Variants in SHFL observed in about 807,000 individuals in gnomAD.
The protein encoded by SHFL is shiftless antiviral inhibitor of ribosomal frameshifting, also known as shiftless antiviral inhibitor of ribosomal frameshifting protein.
A neutral mutation model predicts 34.7 loss-of-function variants in SHFL; 12 were observed. The observed-to-expected ratio is 0.35, with a 90% CI of 0.22 to 0.56. The LOEUF is 0.56. SHFL is among the 20% of genes least tolerant of loss of function. SHFL has a pLI of 0.88. For synonymous variants in SHFL, 148 were observed against 156.0 expected, an observed-to-expected ratio of 0.95 and a Z score of 0.38; for missense variants, 278 against 411.1, an observed-to-expected ratio of 0.68 and a Z score of 2.80.
chr19:10,092,062 C>G lies in SHFL; in HGVS notation c.644-8C>G. On this transcript the variant is annotated splice_region_variant and splice_polypyrimidine_tract_variant and intron_variant, in intron 7 of 7. Transcript: ENST00000253110. ...AGCCCCATGTCTGCAGCACCTCTCC[C>G]TCCCTAGAGCCCCACGTGCCTGGGA... 1 of 1,613,882 alleles carries G rather than the reference C, an allele frequency of 6.2e-7. No individual in the cohort carries two copies. The highest frequency in any genetic ancestry group is 8.5e-7 in the Non-Finnish European group (1 of 1,179,832).
At chr19:10,087,500 A>G (rs2088307489) in intron 3 of SHFL, 200 bp downstream of exon 3, 2 of 613,852 alleles carry the variant, frequency 3.3e-6, no homozygotes, top group African/African-American at 1.8e-5. Flanking sequence ...GTAGGCGCTC[A>G]TTATGTGCTG....
chr19:10,086,666 T>G lies in SHFL; in HGVS notation c.21+218T>G. On this transcript the variant is annotated intron_variant, in intron 1 of 7. Coordinates refer to ENST00000253110, the MANE Select transcript of SHFL (RefSeq NM_018381.4). This position sits in a 1 kb window ranked among gnomAD's most constrained non-coding sequence, Gnocchi z 5.2. Reference sequence around the variant, plus strand: ...CCGAGGAAAAGCGGGGGCTGCAGGGTCAAAGGTCAGAGGCCAGAGATAACC... The same window carrying G: ...CCGAGGAAAAGCGGGGGCTGCAGGGGCAAAGGTCAGAGGCCAGAGATAACC... The G allele has an allele frequency of 7.0e-6, 4 of 568,118 alleles. No homozygotes were observed. The highest frequency in any genetic ancestry group is 8.9e-6 in the Non-Finnish European group (3 of 338,592). The allele number at this position is 568,118 out of a possible 1,614,324, so 35.2% of individuals were successfully genotyped here. A position where few individuals can be genotyped will look rare whatever the true frequency, so the allele number is the denominator to read the frequency against.
In SHFL at chr19:10,086,398, A is replaced by G. The variant is rs2088283989; in HGVS notation, c.-30A>G. Reference sequence around the variant, plus strand: ...GGGGCGGCTGAGCCGCGCAGTGCGGACCCTCGCGGGGAACTGCGCCGCCGC... The same window carrying G: ...GGGGCGGCTGAGCCGCGCAGTGCGGGCCCTCGCGGGGAACTGCGCCGCCGC... On this transcript the variant is annotated 5_prime_UTR_variant, in exon 1 of 8. Coordinates refer to ENST00000253110, the MANE Select transcript of SHFL (RefSeq NM_018381.4). The surrounding 1 kb of genome is among the most constrained non-coding windows in gnomAD (Gnocchi z 5.2). The G allele has an allele frequency of 7.6e-7, 1 of 1,321,410 alleles. No homozygotes were observed. The highest frequency in any genetic ancestry group is 2.6e-5 in the South Asian group (1 of 38,698). The allele number at this position is 1,321,410 out of a possible 1,614,324, so 81.9% of individuals were successfully genotyped here.
Position 10,087,052 on chromosome 19 carries a change from G to C in SHFL, c.145G>C (p.Gly49Arg), listed in dbSNP as rs560581119. The C allele has an allele frequency of 6.2e-6, 10 of 1,610,834 alleles. No homozygotes were observed. Among genetic ancestry groups the C allele is most frequent in the Middle Eastern group, 1.7e-4 (1 of 6,058 alleles). ...GGGAGTGGGGCGCTCCATCGTGTAC[G>C]GTGAGGCTGCAGGGGTCCCGGGCCT... ...HTGVGRSIVY[G>R]VKQKDGQELS... Residue 49 changes from glycine (G) to arginine (R), a missense_variant and splice_region_variant, in exon 2 of 8, where the codon GGG becomes CGG. Gly to Arg is a moderately radical substitution (Grantham distance 125). Coordinates refer to ENST00000253110, the MANE Select transcript of SHFL (RefSeq NM_018381.4).
rs1264543699 is a variant in SHFL at position 10,091,561 on chromosome 19, G to T, written c.574G>T (p.Asp192Tyr). 6.4e-7 allele frequency: 1 copy of T among 1,551,334 alleles called. No homozygotes were observed. The highest frequency in any genetic ancestry group is 2.4e-5 in the East Asian group (1 of 40,928). The change falls in exon 7 of 8, where the codon GAC (aspartate) becomes TAC (tyrosine). Residue 192 changes from aspartate (D) to tyrosine (Y), a missense_variant. Asp to Tyr is a radical substitution (Grantham distance 160). Around this residue, in one of 2 missense-constraint regions of SHFL, gnomAD observed 243 missense variants for 386.2 expected, o/e 0.63. Coordinates refer to ENST00000253110, the MANE Select transcript of SHFL (RefSeq NM_018381.4). This position sits in a 1 kb window ranked among gnomAD's most constrained non-coding sequence, Gnocchi z 8.2. ...YPTRILPPRW[D>Y]RDPDRRSTHT... Reference sequence around the variant, plus strand: ...AACACGGATCCTCCCCCCGCGCTGGGACCGGGACCCGGATCGCCGCAGCAC... The same window carrying T: ...AACACGGATCCTCCCCCCGCGCTGGTACCGGGACCCGGATCGCCGCAGCAC...
rs372496056 is a variant in SHFL at position 10,089,714 on chromosome 19, C to G, written c.234+19C>G. On this transcript the variant is annotated intron_variant, in intron 4 of 7. Transcript: ENST00000253110. The stretch of plus-strand genomic sequence containing the variant: ...CATTCAGGTGAGTTGGTGGCTAGGG[C>G]TTGGGATGGGGGAGTTGGGAGGGGG... The G allele has an allele frequency of 3.1e-6, 5 of 1,593,492 alleles. No individual in the cohort carries two copies. In the Admixed American group the frequency reaches 5.3e-5, roughly 17 times the overall value.
rs925037475 is a variant in SHFL, at chr19:10,089,713, G to T, written c.234+18G>T. 3 of 1,593,814 alleles carry T rather than the reference G, an allele frequency of 1.9e-6. No homozygotes were observed. Among genetic ancestry groups the T allele is most frequent in the Non-Finnish European group, 2.6e-6 (3 of 1,169,710 alleles). On this transcript the variant is annotated intron_variant, in intron 4 of 7. Coordinates refer to ENST00000253110, the MANE Select transcript of SHFL (RefSeq NM_018381.4). Reference sequence around the variant, plus strand: ...ACATTCAGGTGAGTTGGTGGCTAGGGCTTGGGATGGGGGAGTTGGGAGGGG... The same window carrying T: ...ACATTCAGGTGAGTTGGTGGCTAGGTCTTGGGATGGGGGAGTTGGGAGGGG...
chr19:10,089,798 A>G, intron 4 of SHFL, 100 bp from the exon 5 acceptor site: 1 of 1,557,236 alleles, frequency 6.4e-7, no homozygotes, highest in Non-Finnish European at 8.7e-7. Context: ...TCACTGGGGC[A>G]GGAAGAGGAC....
rs540368072 is a variant in SHFL, at chr19:10,087,110, G to T, written c.145+58G>T. On this transcript the variant is annotated intron_variant, in intron 2 of 7. Transcript: ENST00000253110. ...GGACCGCGCGTGGGAGCGCCGAGGG[G>T]GCGTGGTCTAGGGAGAGGCGTTGAG... The T allele has an allele frequency of 2.4e-4, 387 of 1,595,006 alleles. 4 individuals carry two copies. The South Asian group carries it at 3.1e-3, about 13-fold the overall frequency.
chr19:10,089,303 T>C (rs1428975239), intron 3 of SHFL: 1 of 1,598,230 alleles, frequency 6.3e-7, no homozygotes, highest in East Asian at 2.2e-5. Flanking sequence ...TCTCTCCCAC[T>C]TAGCCGAGCA....
At position 10,092,396 on chromosome 19, in the gene SHFL, G is replaced by C; in HGVS notation, c.*94G>C. ...TCAAACCGAGATATGAATGACCTTG[G>C]GGAGCCATCTGAGGCCAAGATATTG... On this transcript the variant is annotated 3_prime_UTR_variant, in exon 8 of 8. Coordinates refer to ENST00000253110, the MANE Select transcript of SHFL (RefSeq NM_018381.4). 6.6e-7 allele frequency: 1 copy of C among 1,522,304 alleles called. No homozygotes were observed. The highest frequency in any genetic ancestry group is 2.4e-5 in the East Asian group (1 of 40,928). 94.3% of individuals were successfully genotyped at this position (1,522,304 alleles called of 1,614,324 possible).
rs2088411037 is a variant in SHFL, at chr19:10,092,438, G to T, written c.*136G>T. ...AAGATATTGACGGGGGGGATTCCTG[G>T]GTCCCATTTTCAGCGCCCAGGGTCA... On this transcript the variant is annotated 3_prime_UTR_variant, in exon 8 of 8. Transcript: ENST00000253110. The T allele has an allele frequency of 6.6e-7, 1 of 1,522,438 alleles. No homozygotes were observed. The highest frequency in any genetic ancestry group is 1.4e-5 in the African/African-American group (1 of 71,382). 94.3% of individuals were successfully genotyped at this position (1,522,438 alleles called of 1,614,324 possible).
chr19:10,087,226 C>T (rs2088303089), intron 2 of SHFL, 25 bp from the exon 3 acceptor site: 2 of 1,613,880 alleles, frequency 1.2e-6, no homozygotes, highest in Non-Finnish European at 1.7e-6. Flanking sequence ...AAGGGCCCTT[C>T]CCTTATATGC....
chr19:10,091,772 G>A lies in SHFL; in HGVS notation c.643+142G>A, dbSNP rs73508815. Reference sequence around the variant, plus strand: ...TGGCCTCCATGACCCCCCAGTCTCCGTGGTCTTGCCCAGGAGGCTCTGAGG... The same window carrying A: ...TGGCCTCCATGACCCCCCAGTCTCCATGGTCTTGCCCAGGAGGCTCTGAGG... On this transcript the variant is annotated intron_variant, in intron 7 of 7. Transcript: ENST00000253110. This position sits in a 1 kb window ranked among gnomAD's most constrained non-coding sequence, Gnocchi z 8.2. 1.1e-3 allele frequency: 1,375 copies of A among 1,224,318 alleles called. 10 individuals are homozygous for A. The African/African-American group carries it at 0.018, about 16-fold the overall frequency. 75.8% of individuals were successfully genotyped at this position (1,224,318 alleles called of 1,614,324 possible). A position where few individuals can be genotyped will look rare whatever the true frequency, so the allele number is the denominator to read the frequency against.
At chr19:10,090,981 C>T (rs1295625230) in intron 5 of SHFL, among the ~76,000 whole-genome samples, 1 of 152,076 alleles carries the variant, frequency 6.6e-6, no homozygotes, top group Non-Finnish European at 1.5e-5. Context: ...GGCTTCTGAA[C>T]CTCCTGACTA....
At position 10,087,285 on chromosome 19, in the gene SHFL, CG is replaced by C. The variant is rs1355109966; in HGVS notation, c.181del (p.Asp61IlefsTer11). On this transcript the variant is annotated frameshift_variant, in exon 3 of 8. Coordinates refer to ENST00000253110, the MANE Select transcript of SHFL (RefSeq NM_018381.4). LOFTEE classifies it high-confidence loss of function. ...KQKDGQELSN[D>X]LDAQDPPEDM... ...AAAAAGATGGCCAAGAACTAAGTAACGATCTGGATGCCCAGGTAACCTATCC... is the reference window on the plus strand; with the variant it reads ...AAAAAGATGGCCAAGAACTAAGTAACATCTGGATGCCCAGGTAACCTATCC... 6.2e-7 allele frequency: 1 copy of C among 1,613,930 alleles called. No individual in the cohort carries two copies. Among genetic ancestry groups the C allele is most frequent in the African/African-American group, 1.3e-5 (1 of 74,934 alleles).
chr19:10,088,313 C>G (rs2088324282), intron 3 of SHFL: 1 of 149,480 alleles, frequency 6.7e-6, no homozygotes, highest in South Asian at 2.1e-4. Context: ...GCCTGTAATC[C>G]CAGCACTTTG....
chr19:10,086,926 C>T lies in SHFL; in HGVS notation c.22-3C>T. On this transcript the variant is annotated splice_polypyrimidine_tract_variant and splice_region_variant and intron_variant, in intron 1 of 7. Transcript: ENST00000253110. The surrounding 1 kb of genome is among the most constrained non-coding windows in gnomAD (Gnocchi z 5.2). ...CACCGGAACCCCCCTGTCTCCATCC[C>T]AGCTGGAGAAGAGCGTCCGGCGCCT... 1 of 1,613,678 alleles carries T rather than the reference C, an allele frequency of 6.2e-7. No individual in the cohort carries two copies. Among genetic ancestry groups the T allele is most frequent in the Non-Finnish European group, 8.5e-7 (1 of 1,179,720 alleles).
chr19:10,092,675 G>C lies in SHFL; in HGVS notation c.*373G>C. The stretch of plus-strand genomic sequence containing the variant: ...AACTCAGCCCAGTAGACACCATCCT[G>C]GTAGCGGCTTCGGTAGTGGCCGCCG... On this transcript the variant is annotated 3_prime_UTR_variant, in exon 8 of 8. Transcript: ENST00000253110. 1 of 1,614,060 alleles carries C rather than the reference G, an allele frequency of 6.2e-7. No individual in the cohort carries two copies. The highest frequency in any genetic ancestry group is 8.5e-7 in the Non-Finnish European group (1 of 1,179,936).
Sources: gnomAD v4.1 joint callset for allele counts (sites outside exome capture counted in the v4.1 genomes callset) on GRCh38, gnomAD v4.1.1 for gene constraint, gnomAD v4.1.1 regional missense constraint, Gnocchi (gnomAD v3.1) non-coding constraint, MANE v1.5 for transcripts, NCBI Gene and HGNC (gene_info 2026-07-23, HGNC 2026-07-21) for gene names.